Variants in LPP observed in about 807,000 individuals in gnomAD.
The protein encoded by LPP is lipoma-preferred partner.
Under a neutral mutation model 60.4 loss-of-function variants are expected in LPP, and 38 were observed. The ratio of observed to expected loss-of-function variants is 0.63; its 90% CI spans 0.49 to 0.83. The LOEUF is 0.83. Among genes scored for constraint, LPP ranks in the 40% least tolerant of loss-of-function variants. The pLI is 0.00. For missense variants in LPP, 902 were observed against 783.6 expected (o/e 1.15, Z -1.80); for synonymous variants, 328 against 290.8 (o/e 1.13, Z -1.30).
chr3:188,203,544 T>A lies in LPP; in HGVS notation c.-189-21861T>A, dbSNP rs1172874951. ...ATATATAAATATATATTTAAATATATATATATTTTTAAATATATATAAATA... is the reference window on the plus strand; with the variant it reads ...ATATATAAATATATATTTAAATATAAATATATTTTTAAATATATATAAATA... On this transcript the variant is annotated intron_variant, in intron 1 of 11. Transcript: ENST00000617246. Among the ~76,000 whole-genome samples the A allele has an allele frequency of 5.9e-5, 6 of 101,396 alleles. No individual in the cohort carries two copies. The East Asian group carries it at 1.6e-3, about 28-fold the overall frequency. The allele number at this position is 101,396 out of a possible 152,430, so 66.5% of individuals were successfully genotyped here.
intron 2 of LPP, among the ~76,000 whole-genome samples, chr3:188,299,811 C>T (rs573560833): frequency 6.6e-6 from 1 of 152,284 alleles, no homozygotes; most frequent in Non-Finnish European, 1.5e-5. Context: ...CAGTAGGGCA[C>T]CAGGAAGCCT....
At chr3:188,291,257 A>G (rs56140039) in intron 2 of LPP, among the ~76,000 whole-genome samples, 6,027 of 152,228 alleles carry the variant, frequency 0.04, 406 homozygotes, top group African/African-American at 0.14. Flanking sequence ...TGGAATTGGT[A>G]GTGTTGATTT....
intron 6 of LPP, among the ~76,000 whole-genome samples, chr3:188,539,180 A>G (rs545170520): frequency 6.6e-6 from 1 of 152,332 alleles, no homozygotes; most frequent in East Asian, 1.9e-4. Context: ...TTAACTAAAA[A>G]ATTTGTTTTA....
chr3:188,450,368 G>T (rs1796299684), intron 4 of LPP, among the ~76,000 whole-genome samples: 1 of 152,080 alleles, frequency 6.6e-6, no homozygotes, highest in Admixed American at 6.5e-5. Flanking sequence ...CATAGATTAG[G>T]AACTATTGCT....
intron 10 of LPP, among the ~76,000 whole-genome samples, chr3:188,871,888 G>A (rs1768188935): frequency 6.6e-6 from 1 of 152,014 alleles, no homozygotes; most frequent in African/African-American, 2.4e-5. Context: ...TTTACCAGCA[G>A]CCTCAAAAAC....
chr3:188,161,254 G>A (rs900085914), intron 1 of LPP, among the ~76,000 whole-genome samples: 56 of 152,144 alleles, frequency 3.7e-4, no homozygotes, highest in Admixed American at 3.5e-3. Flanking sequence ...CTGAGGGCAG[G>A]TTAAGACCAG....
At chr3:188,189,813 G>A (rs1727625867) in intron 1 of LPP, among the ~76,000 whole-genome samples, 2 of 152,088 alleles carry the variant, frequency 1.3e-5, no homozygotes, top group Non-Finnish European at 2.9e-5. Flanking sequence ...CCTTAGAAAG[G>A]GTCTGTGAAA....
At chr3:188,595,109 G>A (rs765600926) in intron 6 of LPP, among the ~76,000 whole-genome samples, 1 of 152,038 alleles carries the variant, frequency 6.6e-6, no homozygotes, top group Non-Finnish European at 1.5e-5. Context: ...GCCCAAAAAC[G>A]TCCCTTAGGT....
chr3:188,277,269 T>C (rs888118440), intron 2 of LPP, among the ~76,000 whole-genome samples: 1 of 152,120 alleles, frequency 6.6e-6, no homozygotes, highest in African/African-American at 2.4e-5. Context: ...AATGGTTTAA[T>C]ACAGGGGCCC....
chr3:188,786,942 A>T (rs1364288677), intron 9 of LPP, among the ~76,000 whole-genome samples: 1 of 152,180 alleles, frequency 6.6e-6, no homozygotes, highest in Non-Finnish European at 1.5e-5. Context: ...GAAGTCAGGG[A>T]TTAGGAATTG....
intron 3 of LPP, among the ~76,000 whole-genome samples, chr3:188,343,249 G>A (rs1763525183): frequency 1.3e-5 from 2 of 152,094 alleles, no homozygotes; most frequent in Non-Finnish European, 2.9e-5. Flanking sequence ...ACTTCTGAGT[G>A]AGAACATGCG....
At chr3:188,665,003 C>T (rs562455420) in intron 7 of LPP, among the ~76,000 whole-genome samples, 19 of 152,204 alleles carry the variant, frequency 1.2e-4, no homozygotes, top group African/African-American at 4.3e-4. Context: ...TGTAGTACGC[C>T]CTCTAGAGGG....
chr3:188,867,368 A>G lies in LPP; in HGVS notation c.1589+990A>G, dbSNP rs1578065959. On this transcript the variant is annotated intron_variant, in intron 10 of 11. Coordinates refer to ENST00000617246, the MANE Select transcript of LPP (RefSeq NM_001375462.1). ...TTATTATTGTTATTATTTTTTAGAC[A>G]AAGTCTCACTCTGCTGCCCAGGCTG... Among the ~76,000 whole-genome samples, 4 of 150,974 alleles carry G rather than the reference A, an allele frequency of 2.6e-5. No homozygotes were observed. The South Asian group carries it at 8.3e-4, about 31-fold the overall frequency.
intron 9 of LPP, among the ~76,000 whole-genome samples, chr3:188,774,625 A>G (rs1737141845): frequency 6.6e-6 from 1 of 152,172 alleles, no homozygotes; most frequent in Non-Finnish European, 1.5e-5. Context: ...GCCTTAAATA[A>G]CAGAGATTTA....
At chr3:188,279,907 C>T (rs1222158305) in intron 2 of LPP, among the ~76,000 whole-genome samples, 1 of 152,182 alleles carries the variant, frequency 6.6e-6, no homozygotes, top group Non-Finnish European at 1.5e-5. Flanking sequence ...GTGACCGAAT[C>T]ATTTTTAATG....
chr3:188,760,409 G>GGGGGGTGT, intron 9 of LPP, 127 bp downstream of exon 9: 1 of 601,656 alleles, frequency 1.7e-6, no homozygotes, highest in African/African-American at 1.9e-5. Flanking sequence ...GTGTGTGTGG[G>GGGGGGTGT]GTGTGTGTGT....
intron 6 of LPP, among the ~76,000 whole-genome samples, chr3:188,563,190 G>T (rs1045853762): frequency 6.6e-6 from 1 of 151,936 alleles, no homozygotes; most frequent in African/African-American, 2.4e-5. Context: ...AACCAAACAT[G>T]TGTGCAGTAC....
In LPP at chr3:188,182,718, A is replaced by ATC. The variant is rs1725381996; in HGVS notation, c.-190+28467_-190+28468insCT. ...TAACCAGCTAAAGAATTGAATATAT[A>ATC]TATATAACATATGCACATAATATAT... On this transcript the variant is annotated intron_variant, in intron 1 of 11. Coordinates refer to ENST00000617246, the MANE Select transcript of LPP (RefSeq NM_001375462.1). This position sits in a 1 kb window ranked among gnomAD's most constrained non-coding sequence, Gnocchi z 4.4. Among the ~76,000 whole-genome samples, 1 of 89,010 alleles carries ATC rather than the reference A, an allele frequency of 1.1e-5. No individual in the cohort carries two copies. Among genetic ancestry groups the ATC allele is most frequent in the African/African-American group, 3.4e-5 (1 of 29,452 alleles). The allele number at this position is 89,010 out of a possible 152,430, so 58.4% of individuals were successfully genotyped here. A position where few individuals can be genotyped will look rare whatever the true frequency, so the allele number is the denominator to read the frequency against.
At chr3:188,727,677 T>C (rs1393412010) in intron 8 of LPP, among the ~76,000 whole-genome samples, 1 of 152,204 alleles carries the variant, frequency 6.6e-6, no homozygotes, top group African/African-American at 2.4e-5. Flanking sequence ...CAGCCACTTA[T>C]TGAGCATTGA....
Sources: gnomAD v4.1 joint callset for allele counts (sites outside exome capture counted in the v4.1 genomes callset) on GRCh38, gnomAD v4.1.1 for gene constraint, Gnocchi (gnomAD v3.1) non-coding constraint, MANE v1.5 for transcripts, NCBI Gene and HGNC (gene_info 2026-07-23, HGNC 2026-07-21) for gene names.